Variants in COL17A1 observed in about 807,000 individuals in gnomAD.
COL17A1 encodes collagen type XVII alpha 1 chain, also known as collagen alpha-1(XVII) chain.
Under a neutral mutation model 218.4 loss-of-function variants are expected in COL17A1, and 181 were observed. The ratio of observed to expected loss-of-function variants is 0.83; its 90% CI spans 0.73 to 0.94. COL17A1 has a LOEUF of 0.94. Among genes scored for constraint, COL17A1 ranks in the 40% least tolerant of loss-of-function variants. The pLI, the probability that COL17A1 is intolerant of heterozygous loss-of-function variation, is 0.00. For synonymous variants in COL17A1, 721 were observed against 731.0 expected (o/e 0.99, Z 0.22); for missense variants, 1,924 against 1,945.9 (o/e 0.99, Z 0.21).
chr10:104,031,944 T>G lies in COL17A1; in HGVS notation c.*291A>C. 1 of 499,230 alleles carries G rather than the reference T, an allele frequency of 2.0e-6. No individual in the cohort carries two copies. Among genetic ancestry groups the G allele is most frequent in the Non-Finnish European group, 3.6e-6 (1 of 276,618 alleles). 30.9% of individuals were successfully genotyped at this position (499,230 alleles called of 1,614,324 possible). On this transcript the variant is annotated 3_prime_UTR_variant, in exon 56 of 56. Transcript: ENST00000648076. ...GGCTTTCCTAGGCTGGGGCTTGAAC[T>G]AAGTAAAGAAGCCAAGGAGTTCAGA... is the stretch of plus-strand genomic sequence containing the variant.
chr10:104,077,078 T>G (rs748119212), intron 4 of COL17A1, among the ~76,000 whole-genome samples: 3 of 152,210 alleles, frequency 2.0e-5, no homozygotes, highest in Non-Finnish European at 4.4e-5. Flanking sequence ...AGAGATGGCT[T>G]AAAGGGAGTG....
At chr10:104,064,633 C>A (rs1159720621) in intron 9 of COL17A1, 37 bp from the exon 10 acceptor site, 1 of 1,573,882 alleles carries the variant, frequency 6.4e-7, no homozygotes, top group Non-Finnish European at 8.7e-7. Flanking sequence ...CAGTGAGAGA[C>A]AAATCAACAC....
At chr10:104,059,897 G>A (rs558374628) in intron 14 of COL17A1, among the ~76,000 whole-genome samples, 179 bp from the exon 15 acceptor site, 3 of 152,272 alleles carry the variant, frequency 2.0e-5, no homozygotes, top group Admixed American at 1.3e-4. Flanking sequence ...TAGACTTGCT[G>A]TCGCCCAAAT....
At position 104,034,763 on chromosome 10, in the gene COL17A1, G is replaced by A. The variant is rs774242248; in HGVS notation, c.3624C>T (p.Ala1208=). 158 of 1,612,136 alleles carry A rather than the reference G, an allele frequency of 9.8e-5. No homozygotes were observed. The highest frequency in any genetic ancestry group is 1.1e-4 in the Non-Finnish European group (135 of 1,179,710). Residue 1208 remains alanine (A), a synonymous_variant, in exon 51 of 56, where the codon GCC becomes GCT. Transcript: ENST00000648076. The part of the protein sequence containing the change: ...VEDLSSYLHT[A]GLSFIPGPPG... ...GAGGGCCTGGGATGAATGACAAGCC[G>A]GCAGCTGGGCAGAAGGAAGAGAAAG...
intron 52 of COL17A1, 147 bp from the exon 53 acceptor site, chr10:104,033,522 G>A: frequency 2.1e-6 from 2 of 959,048 alleles, no homozygotes; most frequent in Non-Finnish European, 3.2e-6. Context: ...AACTTCCTTT[G>A]TATTCCACTG....
intron 9 of COL17A1, among the ~76,000 whole-genome samples, chr10:104,068,828 G>A (rs571190732): frequency 2.0e-4 from 30 of 152,328 alleles, no homozygotes; most frequent in African/African-American, 7.0e-4. Context: ...AGATCCCTAA[G>A]GTGATATTAA....
Position 104,059,787 on chromosome 10 carries a change from C to T in COL17A1, c.1142-69G>A, listed in dbSNP as rs2086565547. The T allele has an allele frequency of 1.7e-5, 25 of 1,490,258 alleles. No individual in the cohort carries two copies. The South Asian group carries it at 2.5e-4, about 15-fold the overall frequency. The allele number at this position is 1,490,258 out of a possible 1,614,324, so 92.3% of individuals were successfully genotyped here. A position where few individuals can be genotyped will look rare whatever the true frequency, so the allele number is the denominator to read the frequency against. On this transcript the variant is annotated intron_variant, in intron 14 of 55. Transcript: ENST00000648076. ...CCTCTCAACTCTGTCCTGTGTTCCC[C>T]CCGCCCTTGCCCACTACCCTGCTTG... is the stretch of plus-strand genomic sequence containing the variant.
rs773423028 is a variant in COL17A1, at chr10:104,072,075, ACT to A, written c.418_419del (p.Ser140Ter). The A allele has an allele frequency of 2.5e-6, 4 of 1,613,868 alleles. No individual in the cohort carries two copies. In the South Asian group the frequency reaches 3.3e-5, roughly 13 times the overall value. ...STRGRSQTRE[S>X]EIRVRLQSAS... is the part of the protein sequence containing the mutation. ...CACTCTGCAGTCGAACTCGAATTTC[ACT>A]CTCTGTACAAGGGAAGAGATAGAGA... is the stretch of plus-strand genomic sequence containing the variant. On this transcript the variant is annotated frameshift_variant and splice_region_variant, in exon 8 of 56. Transcript: ENST00000648076. LOFTEE classifies it high-confidence loss of function.
rs1564673514 is a variant in COL17A1, at chr10:104,040,367, A to G, written c.2745T>C (p.Gly915=). The G allele has an allele frequency of 1.9e-6, 3 of 1,610,860 alleles. No individual in the cohort carries two copies. Among genetic ancestry groups the G allele is most frequent in the Non-Finnish European group, 2.5e-6 (3 of 1,177,162 alleles). The change falls in exon 40 of 56, where the codon GGT becomes GGC. Residue 915 remains glycine, a synonymous_variant. Transcript: ENST00000648076. Reference sequence around the variant, plus strand: ...TGTTCTCACCTTGGTCTCCCTTGGGACCTGGGGGGCCAGGTGGGCCTGGGG... The same window carrying G: ...TGTTCTCACCTTGGTCTCCCTTGGGGCCTGGGGGGCCAGGTGGGCCTGGGG... ...SGPPGPPGPP[G]PKGDQGPPGP...
intron 11 of COL17A1, 129 bp from the exon 12 acceptor site, chr10:104,062,458 G>T: frequency 8.1e-7 from 1 of 1,241,528 alleles, no homozygotes; most frequent in African/African-American, 1.5e-5. Flanking sequence ...AAACTTCCTC[G>T]GTTCCCACAC....
chr10:104,073,151 T>C lies in COL17A1; in HGVS notation c.415+59A>G, dbSNP rs369903295. The C allele has an allele frequency of 8.2e-4, 1,250 of 1,521,630 alleles. 11 individuals carry two copies. The Middle Eastern group carries it at 0.012, about 15-fold the overall frequency. 94.3% of individuals were successfully genotyped at this position (1,521,630 alleles called of 1,614,324 possible). A position where few individuals can be genotyped will look rare whatever the true frequency, so the allele number is the denominator to read the frequency against. ...TCCCTGGCTCAAGGCTGGACACACATTAACTTCTCAGAAAATACTTGTTGA... is the reference window on the plus strand; with the variant it reads ...TCCCTGGCTCAAGGCTGGACACACACTAACTTCTCAGAAAATACTTGTTGA... On this transcript the variant is annotated intron_variant, in intron 7 of 55. Transcript: ENST00000648076.
At chr10:104,055,206 A>G in intron 19 of COL17A1, 166 bp downstream of exon 19, 1 of 1,434,714 alleles carries the variant, frequency 7.0e-7, no homozygotes, top group Non-Finnish European at 9.7e-7. Context: ...CTTATCTAAG[A>G]TATTCTGACT....
intron 30 of COL17A1, 123 bp downstream of exon 30, chr10:104,047,946 G>A: frequency 7.2e-7 from 1 of 1,388,666 alleles, no homozygotes; most frequent in South Asian, 1.2e-5. Context: ...GAACAGAACT[G>A]GACACTGCAC....
chr10:104,077,486 A>G lies in COL17A1; in HGVS notation c.138T>C (p.Leu46=), dbSNP rs2086721008. The stretch of plus-strand genomic sequence containing the variant: ...GTTTCTCCAGCCGGCTCCCTCCACC[A>G]AGAGAGGCTGTTTTAGCATAGCCAT... ...TSNGYAKTAS[L]GGGSRLEKQS... is the part of the protein sequence containing the mutation. The change falls in exon 4 of 56, where the codon CTT becomes CTC. Residue 46 remains leucine (L), a synonymous_variant. Coordinates refer to ENST00000648076, the MANE Select transcript of COL17A1 (RefSeq NM_000494.4). 6.2e-7 allele frequency: 1 copy of G among 1,612,980 alleles called. No individual in the cohort carries two copies. Among genetic ancestry groups the G allele is most frequent in the Non-Finnish European group, 8.5e-7 (1 of 1,179,686 alleles).
chr10:104,032,339 TG>T, intron 55 of COL17A1, 49 bp from the exon 56 acceptor site: 1 of 1,548,622 alleles, frequency 6.5e-7, no homozygotes, highest in South Asian at 1.1e-5. Context: ...TTGTGGCCTG[TG>T]GGGATCTTGG....
rs1419458687 is a variant in COL17A1 at position 104,070,445 on chromosome 10, C to T, written c.588G>A (p.Val196=). 1 of 1,613,976 alleles carries T rather than the reference C, an allele frequency of 6.2e-7. No individual in the cohort carries two copies. Among genetic ancestry groups the T allele is most frequent in the Non-Finnish European group, 8.5e-7 (1 of 1,180,032 alleles). The change falls in exon 9 of 56, where the codon GTG becomes GTA. Residue 196 remains valine, a synonymous_variant. Coordinates refer to ENST00000648076, the MANE Select transcript of COL17A1 (RefSeq NM_000494.4). ...ACTTACCCGACTGGGAGCTCGCTGT[C>T]ACAATTTTGGTCTCCACAGTGCCTT... ...PKKGTVETKI[V]TASSQSVSGT... is the part of the protein sequence containing the mutation.
intron 44 of COL17A1, among the ~76,000 whole-genome samples, chr10:104,038,799 C>T (rs2086328624): frequency 6.6e-6 from 1 of 152,152 alleles, no homozygotes; most frequent in Non-Finnish European, 1.5e-5. Flanking sequence ...CATCCCCCTT[C>T]TCTCAACTCC....
In COL17A1 at chr10:104,033,786, G is replaced by C. The variant is rs1460337582; in HGVS notation, c.4156+159C>G. The stretch of plus-strand genomic sequence containing the variant: ...TCCCAGGACTGGGGCTCCTTAAGCT[G>C]AGTAGGCTGAGAGCTAGGCTGGGGC... On this transcript the variant is annotated intron_variant, in intron 52 of 55. Transcript: ENST00000648076. 2.0e-5 allele frequency among the ~76,000 whole-genome samples: 3 copies of C among 152,152 alleles called. No individual in the cohort carries two copies. In the East Asian group the frequency reaches 5.8e-4, roughly 29 times the overall value.
At chr10:104,061,595 ACTCT>A in intron 12 of COL17A1, 122 bp from the exon 13 acceptor site, 1 of 781,326 alleles carries the variant, frequency 1.3e-6, no homozygotes, top group Non-Finnish European at 2.2e-6. Context: ...TGATGAATCA[ACTCT>A]CTCCAGCCAT....
Sources: gnomAD v4.1 joint callset for allele counts (sites outside exome capture counted in the v4.1 genomes callset) on GRCh38, gnomAD v4.1.1 for gene constraint, MANE v1.5 for transcripts, NCBI Gene and HGNC (gene_info 2026-07-23, HGNC 2026-07-21) for gene names.